The following ALDH1A2 variants were observed in gnomAD, a reference collection of about 807,000 sequenced individuals.
The protein encoded by ALDH1A2 is aldehyde dehydrogenase 1 family member A2.
Under a neutral mutation model 60.3 loss-of-function variants are expected in ALDH1A2, and 27 were observed. That is an observed-to-expected ratio of 0.45 (90% CI 0.33 to 0.62). The LOEUF (loss-of-function observed/expected upper bound fraction) is 0.62. Among genes scored for constraint, ALDH1A2 ranks in the 20% least tolerant of loss-of-function variants. The pLI, the probability that ALDH1A2 is intolerant of heterozygous loss-of-function variation, is 0.02. For missense variants in ALDH1A2, 581 were observed against 643.8 expected, an observed-to-expected ratio of 0.90 and a Z score of 1.06; for synonymous variants, 289 against 232.4, an observed-to-expected ratio of 1.24 and a Z score of -2.21.
intron 1 of ALDH1A2, among the ~76,000 whole-genome samples, chr15:58,052,056 G>C (rs1896789563): frequency 6.6e-6 from 1 of 152,094 alleles, no homozygotes; most frequent in East Asian, 1.9e-4. Flanking sequence ...TTTCTAATAT[G>C]GTAAGTCCTT....
chr15:57,978,388 A>G (rs1203960642), intron 7 of ALDH1A2, among the ~76,000 whole-genome samples: 1 of 152,184 alleles, frequency 6.6e-6, no homozygotes, highest in East Asian at 1.9e-4. Context: ...TTGGATTTTT[A>G]GCATGAAGGG....
At chr15:58,034,757 A>C (rs1401161679) in intron 1 of ALDH1A2, among the ~76,000 whole-genome samples, 2 of 151,654 alleles carry the variant, frequency 1.3e-5, no homozygotes, top group African/African-American at 2.4e-5. Flanking sequence ...CAGCCCATTG[A>C]TAAGACAGAC....
intron 1 of ALDH1A2, among the ~76,000 whole-genome samples, chr15:58,027,715 G>C (rs935361904): frequency 6.6e-6 from 1 of 152,054 alleles, no homozygotes; most frequent in Non-Finnish European, 1.5e-5. Context: ...TGACCTGATG[G>C]AGCTGAAAAC....
At chr15:57,973,301 A>G (rs1179665970) in intron 7 of ALDH1A2, among the ~76,000 whole-genome samples, 5 of 152,246 alleles carry the variant, frequency 3.3e-5, no homozygotes, top group Admixed American at 1.3e-4. Context: ...ATAAGGAGAA[A>G]TTAATCCCAT....
intron 1 of ALDH1A2, among the ~76,000 whole-genome samples, chr15:58,025,918 CAG>C (rs1446022451): frequency 6.6e-6 from 1 of 152,186 alleles, no homozygotes; most frequent in African/African-American, 2.4e-5. Context: ...CTCATTACCT[CAG>C]AGAGTGCACC....
At chr15:58,023,672 G>GAAAAAAAAAAAAAAAA (rs1895995346) in intron 1 of ALDH1A2, among the ~76,000 whole-genome samples, 1 of 78,658 alleles carries the variant, frequency 1.3e-5, no homozygotes, top group African/African-American at 4.3e-5. Context: ...AAAAAAAAAG[G>GAAAAAAAAAAAAAAAA]AACTGCCAAC....
chr15:58,027,237 G>C (rs1435977292), intron 1 of ALDH1A2, among the ~76,000 whole-genome samples: 1 of 152,144 alleles, frequency 6.6e-6, no homozygotes, highest in African/African-American at 2.4e-5. Context: ...TGCAGTCTCT[G>C]CTGGTGATAC....
chr15:58,050,157 G>C (rs1263940238), intron 1 of ALDH1A2, among the ~76,000 whole-genome samples: 1 of 151,574 alleles, frequency 6.6e-6, no homozygotes, highest in Non-Finnish European at 1.5e-5. Flanking sequence ...TTTTACAATG[G>C]GCTTAGTTGC....
At position 57,980,823 on chromosome 15, in the gene ALDH1A2, C is replaced by A. The variant is rs1182447497; in HGVS notation, c.798+11882G>T. On this transcript the variant is annotated intron_variant, in intron 7 of 12. Coordinates refer to ENST00000249750, the MANE Select transcript of ALDH1A2 (RefSeq NM_003888.4). ...TAAAATGAGTTAGGGAGGAGTCCCT[C>A]TTTTTCTATTGTTTGGAATTGTTTC... Among the ~76,000 whole-genome samples, 4 of 152,184 alleles carry A rather than the reference C, an allele frequency of 2.6e-5. No homozygotes were observed. In the East Asian group the frequency reaches 7.7e-4, roughly 29 times the overall value.
At chr15:58,062,780 T>C (rs564218331) in intron 1 of ALDH1A2, among the ~76,000 whole-genome samples, 1 of 152,328 alleles carries the variant, frequency 6.6e-6, no homozygotes, top group African/African-American at 2.4e-5. Context: ...AATAGACATG[T>C]TCCAAAAATG....
chr15:58,023,770 T>C (rs1175847664), intron 1 of ALDH1A2, among the ~76,000 whole-genome samples: 1 of 152,014 alleles, frequency 6.6e-6, no homozygotes, highest in African/African-American at 2.4e-5. Context: ...AAGGAATTCA[T>C]TACCACTAGG....
chr15:57,994,372 A>G (rs543388192), intron 5 of ALDH1A2, among the ~76,000 whole-genome samples: 87 of 152,316 alleles, frequency 5.7e-4, no homozygotes, highest in South Asian at 5.4e-3. Context: ...CTTTGAAAAA[A>G]GAAAACTTCT....
chr15:57,996,178 C>T (rs975636204), intron 4 of ALDH1A2, among the ~76,000 whole-genome samples: 2 of 151,874 alleles, frequency 1.3e-5, no homozygotes, highest in East Asian at 1.9e-4. Context: ...AAAAGAGAAG[C>T]GATATGAATC....
At chr15:58,022,343 T>C (rs933286843) in intron 1 of ALDH1A2, among the ~76,000 whole-genome samples, 2 of 152,168 alleles carry the variant, frequency 1.3e-5, no homozygotes, top group Non-Finnish European at 1.5e-5. Context: ...GAAATCTACC[T>C]GCAAGTGCAA....
At chr15:57,995,623 A>G (rs186601581) in intron 4 of ALDH1A2, among the ~76,000 whole-genome samples, 232 of 152,260 alleles carry the variant, frequency 1.5e-3, no homozygotes, top group African/African-American at 5.3e-3. Context: ...GATATATTTC[A>G]TAACTCAATC....
intron 4 of ALDH1A2, among the ~76,000 whole-genome samples, chr15:57,997,100 T>C (rs1420104613): frequency 6.6e-6 from 1 of 152,064 alleles, no homozygotes; most frequent in Non-Finnish European, 1.5e-5. Flanking sequence ...ATTCTGCAAC[T>C]GTATGAAATT....
At position 57,953,870 on chromosome 15, in the gene ALDH1A2, TGGAAGAA is replaced by T. The variant is rs1400145576; in HGVS notation, c.*1320_*1326del. 1 of 152,334 alleles carries T rather than the reference TGGAAGAA, an allele frequency of 6.6e-6. No individual in the cohort carries two copies. Among genetic ancestry groups the T allele is most frequent in the African/African-American group, 2.4e-5 (1 of 41,444 alleles). 9.4% of individuals were successfully genotyped at this position (152,334 alleles called of 1,614,324 possible). On this transcript the variant is annotated 3_prime_UTR_variant, in exon 13 of 13. Transcript: ENST00000249750. ...GGATTGGATTTGACAGCTGGAAAGA[TGGAAGAA>T]GGGATGGAAGAAGGAAAGGAAGCTA... is the stretch of plus-strand genomic sequence containing the variant.
At chr15:57,969,134 C>T (rs1331463608) in intron 7 of ALDH1A2, among the ~76,000 whole-genome samples, 5 of 152,184 alleles carry the variant, frequency 3.3e-5, no homozygotes, top group Non-Finnish European at 5.9e-5. Context: ...GGCCTCAGGA[C>T]AGGACACTCC....
chr15:58,065,335 G>A, intron 1 of ALDH1A2, 199 bp downstream of exon 1: 1 of 644,578 alleles, frequency 1.6e-6, no homozygotes, highest in South Asian at 1.7e-5. Context: ...AAGTCCCCAA[G>A]GCGTCCTCAG....
Sources: gnomAD v4.1 joint callset for allele counts (sites outside exome capture counted in the v4.1 genomes callset) on GRCh38, gnomAD v4.1.1 for gene constraint, MANE v1.5 for transcripts, NCBI Gene and HGNC (gene_info 2026-07-23, HGNC 2026-07-21) for gene names.